The following PLD5 variants were observed in gnomAD, a reference collection of about 807,000 sequenced individuals.
PLD5 encodes inactive phospholipase D5.
In PLD5, 36 loss-of-function variants were observed where a neutral mutation model predicts 61.1. The observed-to-expected ratio is 0.59, with a 90% CI of 0.45 to 0.78. The LOEUF (loss-of-function observed/expected upper bound fraction) is 0.78. PLD5 is among the 30% of genes least tolerant of loss of function. The pLI, the probability that PLD5 is intolerant of heterozygous loss-of-function variation, is 0.00. For missense variants in PLD5, 515 were observed against 644.4 expected (o/e 0.80, Z 2.17); for synonymous variants, 243 against 242.8 (o/e 1.00, Z -0.01).
rs1330884329 is a variant in PLD5, at chr1:242,256,510, G to A, written c.607+8827C>T. Among the ~76,000 whole-genome samples the A allele has an allele frequency of 6.6e-6, 1 of 152,148 alleles. No individual in the cohort carries two copies. Among genetic ancestry groups the A allele is most frequent in the East Asian group, 1.9e-4 (1 of 5,190 alleles). ...GCGGGGGTTGAAAGGAACAAACTTA[G>A]ATTCTTTTGTGCCCTTCTGTCTTAT... On this transcript the variant is annotated intron_variant, in intron 4 of 9. Coordinates refer to ENST00000536534, the MANE Select transcript of PLD5 (RefSeq NM_001372062.1). This position sits in a 1 kb window ranked among gnomAD's most constrained non-coding sequence, Gnocchi z 5.7.
intron 7 of PLD5, among the ~76,000 whole-genome samples, chr1:242,109,551 C>G (rs1661320275): frequency 6.6e-6 from 1 of 152,232 alleles, no homozygotes; most frequent in Non-Finnish European, 1.5e-5. Context: ...CAAGACTCCC[C>G]CAGTGGTCAG....
At chr1:242,242,148 C>T (rs932785139) in intron 4 of PLD5, among the ~76,000 whole-genome samples, 1 of 151,700 alleles carries the variant, frequency 6.6e-6, no homozygotes, top group African/African-American at 2.4e-5. Context: ...GCGTCTGGCA[C>T]ATTGTAAGAA....
intron 1 of PLD5, among the ~76,000 whole-genome samples, chr1:242,392,029 G>A (rs1289718732): frequency 6.6e-6 from 1 of 152,136 alleles, no homozygotes; most frequent in Non-Finnish European, 1.5e-5. Flanking sequence ...ACAGTGGATT[G>A]GATAAAGAAA....
chr1:242,140,693 C>T (rs1015245375), intron 5 of PLD5, among the ~76,000 whole-genome samples: 19 of 151,970 alleles, frequency 1.3e-4, no homozygotes, highest in Non-Finnish European at 2.2e-4. Context: ...TGCAAGGACC[C>T]GCCACCATGG....
chr1:242,126,687 G>C (rs773524647), intron 5 of PLD5, among the ~76,000 whole-genome samples: 2 of 152,138 alleles, frequency 1.3e-5, no homozygotes, highest in Non-Finnish European at 2.9e-5. Context: ...TTAACTCTAA[G>C]ACCTGAAACC....
At chr1:242,186,149 CT>C (rs1343873110) in intron 5 of PLD5, among the ~76,000 whole-genome samples, 1 of 149,924 alleles carries the variant, frequency 6.7e-6, no homozygotes, top group East Asian at 2.0e-4. Context: ...ATTCTGAATT[CT>C]GTAAGGAATG....
chr1:242,511,009 GA>G (rs1420437078), intron 1 of PLD5, among the ~76,000 whole-genome samples: 9 of 152,220 alleles, frequency 5.9e-5, no homozygotes, highest in Admixed American at 2.6e-4. Flanking sequence ...ATACTTATGA[GA>G]AAATATCTTT....
intron 1 of PLD5, among the ~76,000 whole-genome samples, chr1:242,522,449 G>A (rs191419345): frequency 3.9e-5 from 6 of 152,258 alleles, no homozygotes; most frequent in Admixed American, 2.0e-4. Context: ...AGTATAATGC[G>A]TGCACCGCTC....
At chr1:242,205,407 G>A (rs1166940773) in intron 5 of PLD5, among the ~76,000 whole-genome samples, 6 of 152,082 alleles carry the variant, frequency 3.9e-5, no homozygotes, top group Admixed American at 6.6e-5. Context: ...TAGAAAATAC[G>A]CATGATTTTG....
At chr1:242,105,979 A>C (rs1335766285) in intron 8 of PLD5, among the ~76,000 whole-genome samples, 6 of 152,208 alleles carry the variant, frequency 3.9e-5, no homozygotes, top group Admixed American at 6.5e-5. Flanking sequence ...CCAAGAAACC[A>C]ACCAGCTCAT....
At chr1:242,391,744 C>T (rs1662945740) in intron 1 of PLD5, among the ~76,000 whole-genome samples, 1 of 151,750 alleles carries the variant, frequency 6.6e-6, no homozygotes, top group Non-Finnish European at 1.5e-5. Context: ...ACATGACATA[C>T]TCAGCTCTGT....
intron 1 of PLD5, among the ~76,000 whole-genome samples, chr1:242,394,931 T>TGATTATATAAATA (rs577668544): frequency 1.9e-5 from 1 of 51,684 alleles, no homozygotes; most frequent in African/African-American, 8.7e-5. Flanking sequence ...TATGTATACA[T>TGATTATATAAATA]TATATGAATA....
rs1045937644 is a variant in PLD5, at chr1:242,221,252, G to C, written c.608-1137C>G. Among the ~76,000 whole-genome samples, 13 of 152,138 alleles carry C rather than the reference G, an allele frequency of 8.5e-5. No homozygotes were observed. In the East Asian group the frequency reaches 1.4e-3, roughly 16 times the overall value. On this transcript the variant is annotated intron_variant, in intron 4 of 9. Coordinates refer to ENST00000536534, the MANE Select transcript of PLD5 (RefSeq NM_001372062.1). ...GAGCATACAGTCCATTCAATGCAAGGGTATTTAAATAAATTTCTGCTAAAG... is the reference window on the plus strand; with the variant it reads ...GAGCATACAGTCCATTCAATGCAAGCGTATTTAAATAAATTTCTGCTAAAG...
At position 242,095,524 on chromosome 1, in the gene PLD5, G is replaced by A. The variant is rs139092650; in HGVS notation, c.1354+5144C>T. Among the ~76,000 whole-genome samples the A allele has an allele frequency of 1.3e-4, 20 of 152,164 alleles. No homozygotes were observed. In the South Asian group the frequency reaches 3.7e-3, roughly 28 times the overall value. ...TGGGATTATAGGTGTGAGCCACCAC[G>A]CCCGGCCTAAAACATTTAATTCATC... On this transcript the variant is annotated intron_variant, in intron 9 of 9. Coordinates refer to ENST00000536534, the MANE Select transcript of PLD5 (RefSeq NM_001372062.1).
chr1:242,525,239 G>A (rs1298034050), upstream of PLD5, among the ~76,000 whole-genome samples: 1 of 145,674 alleles, frequency 6.9e-6, no homozygotes, highest in Non-Finnish European at 1.5e-5. Context: ...ATACGCCCGG[G>A]GGCAGTAGCC....
intron 1 of PLD5, among the ~76,000 whole-genome samples, chr1:242,393,081 G>C (rs375654954): frequency 6.6e-6 from 1 of 150,998 alleles, no homozygotes; most frequent in East Asian, 2.0e-4. Flanking sequence ...ATGCGTGCCT[G>C]TAATCCCAGC....
At chr1:242,378,234 T>G (rs1301010920) in intron 1 of PLD5, among the ~76,000 whole-genome samples, 1 of 152,180 alleles carries the variant, frequency 6.6e-6, no homozygotes, top group Non-Finnish European at 1.5e-5. Flanking sequence ...TTGAAAACAT[T>G]ACGCTAAGTG....
At chr1:242,359,279 T>C (rs932957489) in intron 1 of PLD5, among the ~76,000 whole-genome samples, 1 of 152,180 alleles carries the variant, frequency 6.6e-6, no homozygotes, top group Non-Finnish European at 1.5e-5. Context: ...AGAAGTTAGA[T>C]GTCTACCTCC....
At chr1:242,130,181 AGCTGTGATTACAG>A (rs756031253) in intron 5 of PLD5, among the ~76,000 whole-genome samples, 12 of 151,732 alleles carry the variant, frequency 7.9e-5, no homozygotes, top group Non-Finnish European at 8.8e-5. Flanking sequence ...CCTCCCAAGT[AGCTGTGATTACAG>A]GCTCCCGCCA....
Sources: allele counts gnomAD v4.1 joint callset (sites outside exome capture counted in the v4.1 genomes callset), GRCh38; gene constraint gnomAD v4.1.1; non-coding constraint Gnocchi (gnomAD v3.1); transcripts MANE v1.5; gene names NCBI Gene and HGNC (gene_info 2026-07-23, HGNC 2026-07-21).